MGAT5: variants seen among roughly 807,000 people sequenced by gnomAD.
The protein encoded by MGAT5 is alpha-1,6-mannosylglycoprotein 6-beta-N-acetylglucosaminyltransferase A.
In MGAT5, 30 loss-of-function variants were observed where a neutral mutation model predicts 94.3. That is an observed-to-expected ratio of 0.32 (90% confidence interval 0.24 to 0.43). The LOEUF (loss-of-function observed/expected upper bound fraction) is 0.43, where lower values mean the gene tolerates loss of function less well. MGAT5 is among the 20% of genes least tolerant of loss of function. The pLI is 1.00. For missense variants in MGAT5, 691 were observed against 905.5 expected, an observed-to-expected ratio of 0.76 and a Z score of 3.04; for synonymous variants, 310 against 322.9, an observed-to-expected ratio of 0.96 and a Z score of 0.43.
intron 10 of MGAT5, among the ~76,000 whole-genome samples, chr2:134,363,393 C>T (rs904724026): frequency 4.6e-5 from 7 of 152,166 alleles, no homozygotes; most frequent in Non-Finnish European, 7.3e-5. Context: ...ACTAACTACA[C>T]CAAAGGGATG....
chr2:134,270,674 G>A, intron 2 of MGAT5, 124 bp downstream of exon 2: 1 of 964,914 alleles, frequency 1.0e-6, no homozygotes, highest in African/African-American at 1.7e-5. Flanking sequence ...ACTTGGCATG[G>A]CCATTGTAAA....
intron 1 of MGAT5, among the ~76,000 whole-genome samples, chr2:134,186,768 T>C (rs923842952): frequency 1.3e-5 from 2 of 152,208 alleles, no homozygotes; most frequent in African/African-American, 4.8e-5. Context: ...ATTCCTTCAT[T>C]TGACATGCAT....
rs912983981 is a variant in MGAT5 at position 134,189,602 on chromosome 2, G to GTTTTTTTT, written c.-142-64649_-142-64642dup. ...AACCTCATGGCTCTAGTTTTTTTTT[G>GTTTTTTTT]TTTTTTTTTTTTTTTTTTAAGACAG... On this transcript the variant is annotated intron_variant, in intron 1 of 16. Coordinates refer to the MGAT5 transcript ENST00000409645. 2.2e-4 allele frequency among the ~76,000 whole-genome samples: 19 copies of GTTTTTTTT among 84,594 alleles called. 1 individual carries two copies. Among genetic ancestry groups the GTTTTTTTT allele is most frequent in the African/African-American group, 5.2e-4 (11 of 20,956 alleles). The allele number at this position is 84,594 out of a possible 152,430, so 55.5% of individuals were successfully genotyped here.
At chr2:134,262,436 G>A (rs57223057) in intron 1 of MGAT5, among the ~76,000 whole-genome samples, 31,700 of 148,062 alleles carry the variant, frequency 0.21, 4,748 homozygotes, top group African/African-American at 0.39. Context: ...TGAAGATGGA[G>A]TCTCACTGTA....
At chr2:134,419,155 A>G (rs185767039) in intron 12 of MGAT5, among the ~76,000 whole-genome samples, 1 of 152,380 alleles carries the variant, frequency 6.6e-6, no homozygotes, top group East Asian at 1.9e-4. Flanking sequence ...TAAATTGATC[A>G]TATCAACTGC....
intron 10 of MGAT5, among the ~76,000 whole-genome samples, chr2:134,376,412 C>T (rs1681173373): frequency 6.6e-6 from 1 of 152,138 alleles, no homozygotes; most frequent in Admixed American, 6.5e-5. Context: ...CCTAAATTGT[C>T]CTAAAGACAG....
At chr2:134,382,482 C>T (rs146621904) in intron 10 of MGAT5, among the ~76,000 whole-genome samples, 112 of 152,130 alleles carry the variant, frequency 7.4e-4, no homozygotes, top group African/African-American at 2.4e-3. Context: ...GGGTGGAACT[C>T]GTCAAAAGCA....
chr2:134,165,149 A>C (rs1029818936), intron 1 of MGAT5, among the ~76,000 whole-genome samples: 3 of 152,186 alleles, frequency 2.0e-5, no homozygotes, highest in African/African-American at 7.2e-5. Flanking sequence ...TGAGGAATGA[A>C]ATCTTAAAAT....
intron 1 of MGAT5, among the ~76,000 whole-genome samples, chr2:134,157,301 G>A (rs1035385316): frequency 6.6e-6 from 1 of 152,092 alleles, no homozygotes; most frequent in African/African-American, 2.4e-5. Context: ...AAGAGCATAC[G>A]GGGACTCTGT....
chr2:134,236,187 C>T (rs1412546671), intron 1 of MGAT5, among the ~76,000 whole-genome samples: 1 of 152,194 alleles, frequency 6.6e-6, no homozygotes, highest in Admixed American at 6.5e-5. Flanking sequence ...AGTTGTTCTT[C>T]ACGGGTCCCA....
intron 1 of MGAT5, among the ~76,000 whole-genome samples, chr2:134,243,805 G>T (rs1466100822): frequency 6.6e-6 from 1 of 152,154 alleles, no homozygotes; most frequent in Admixed American, 6.5e-5. Context: ...GAACACTCCT[G>T]GGGTAGGCCA....
chr2:134,317,614 G>A lies in MGAT5; in HGVS notation c.483+9G>A. 6.5e-7 allele frequency: 1 copy of A among 1,535,816 alleles called. No individual in the cohort carries two copies. On this transcript the variant is annotated intron_variant, in intron 3 of 15. Transcript: ENST00000281923. ...GTGAGGGAAAGATCAAGGTAAGGCA[G>A]AGGCAAGCATCATCCCCAATCTGCA... is the stretch of plus-strand genomic sequence containing the variant.
chr2:134,262,119 T>C (rs1683376433), intron 1 of MGAT5, among the ~76,000 whole-genome samples: 1 of 152,242 alleles, frequency 6.6e-6, no homozygotes, highest in Admixed American at 6.5e-5. Flanking sequence ...AAACAGACAA[T>C]ATAATATCAT....
intron 1 of MGAT5, among the ~76,000 whole-genome samples, chr2:134,243,151 C>G (rs530528809): frequency 2.0e-5 from 3 of 151,988 alleles, no homozygotes; most frequent in Non-Finnish European, 4.4e-5. Context: ...GTTCTCATGC[C>G]TGGCTGTGTA....
At chr2:134,389,977 T>C (rs1431046282) in intron 10 of MGAT5, among the ~76,000 whole-genome samples, 3 of 152,206 alleles carry the variant, frequency 2.0e-5, no homozygotes, top group Non-Finnish European at 4.4e-5. Context: ...TGTGGTTTCA[T>C]CACTTTTTCC....
intron 1 of MGAT5, among the ~76,000 whole-genome samples, chr2:134,142,399 G>C (rs1009320453): frequency 2.6e-5 from 4 of 152,202 alleles, no homozygotes; most frequent in Non-Finnish European, 5.9e-5. Flanking sequence ...AGGCCTATGG[G>C]TTTTATGGGA....
chr2:134,428,115 A>G (rs1684687096), intron 13 of MGAT5, among the ~76,000 whole-genome samples: 1 of 152,250 alleles, frequency 6.6e-6, no homozygotes, highest in South Asian at 2.1e-4. Flanking sequence ...TTTGCAGCTT[A>G]AAAGAGGTGA....
chr2:134,318,224 G>A (rs944041949), intron 3 of MGAT5, among the ~76,000 whole-genome samples: 1 of 152,144 alleles, frequency 6.6e-6, no homozygotes, highest in African/African-American at 2.4e-5. Context: ...CATGTGGGCC[G>A]TCCGTCAACG....
In MGAT5 at chr2:134,186,034, T is replaced by C. The variant is rs115084204; in HGVS notation, c.-143+65743T>C. On this transcript the variant is annotated intron_variant, in intron 1 of 16. Transcript: ENST00000409645. ...ATGAATAGAGGCACCTGTGTGGGGC[T>C]TGGGGCTCGGGGCTCACATAGCATG... Among the ~76,000 whole-genome samples the C allele has an allele frequency of 7.8e-3, 1,193 of 152,330 alleles. 20 individuals carry two copies. Among genetic ancestry groups the C allele is most frequent in the African/African-American group, 0.027 (1,139 of 41,566 alleles).
Sources: gnomAD v4.1 joint callset for allele counts (sites outside exome capture counted in the v4.1 genomes callset) on GRCh38, gnomAD v4.1.1 for gene constraint, MANE v1.5 for transcripts, NCBI Gene and HGNC (gene_info 2026-07-23, HGNC 2026-07-21) for gene names.